Variants in SCUBE2 observed in about 807,000 individuals in gnomAD.
The protein encoded by SCUBE2 is signal peptide, CUB and EGF-like domain-containing protein 2.
A neutral mutation model predicts 125.9 loss-of-function variants in SCUBE2; 114 were observed. The ratio of observed to expected loss-of-function variants is 0.91; its 90% CI spans 0.78 to 1.06. The LOEUF (loss-of-function observed/expected upper bound fraction) is 1.06. Ranked by LOEUF, SCUBE2 falls within the 50% of genes least tolerant of loss-of-function variation. The pLI, the probability that SCUBE2 is intolerant of heterozygous loss-of-function variation, is 0.00. For synonymous variants in SCUBE2, 459 were observed against 492.9 expected, an observed-to-expected ratio of 0.93 and a Z score of 0.91; for missense variants, 1,255 against 1,301.8, an observed-to-expected ratio of 0.96 and a Z score of 0.55.
In SCUBE2 at chr11:9,047,291, G is replaced by A. The variant is rs558464461; in HGVS notation, c.2002+65C>T. On this transcript the variant is annotated intron_variant, in intron 16 of 22. Coordinates refer to ENST00000649792, the MANE Select transcript of SCUBE2 (RefSeq NM_001367977.2). ...GGGAGGATGGGCCAGACTTGCCTTC[G>A]GTTACCCTGAGTGTTTATGGAGCCC... The A allele has an allele frequency of 4.9e-5, 76 of 1,557,154 alleles. No homozygotes were observed. In the South Asian group the frequency reaches 5.9e-4, roughly 12 times the overall value.
At chr11:9,062,065 A>T (rs1011337809) in intron 7 of SCUBE2, among the ~76,000 whole-genome samples, 4 of 152,216 alleles carry the variant, frequency 2.6e-5, no homozygotes, top group Non-Finnish European at 4.4e-5. Context: ...TCTGGACCAG[A>T]GAGGTACCAG....
chr11:9,029,034 CCT>C (rs1264008031), intron 19 of SCUBE2, among the ~76,000 whole-genome samples: 1 of 151,468 alleles, frequency 6.6e-6, no homozygotes, highest in Non-Finnish European at 1.5e-5. Context: ...GTACTGCCCC[CCT>C]CAGTCCCAAG....
chr11:9,071,824 A>G (rs1860823963), intron 4 of SCUBE2, among the ~76,000 whole-genome samples: 1 of 152,158 alleles, frequency 6.6e-6, no homozygotes, highest in Non-Finnish European at 1.5e-5. Flanking sequence ...TTGCCCTGAA[A>G]AGGCATCAGT....
At chr11:9,053,323 C>T (rs1858627989) in intron 11 of SCUBE2, 108 bp from the exon 12 acceptor site, 1 of 912,940 alleles carries the variant, frequency 1.1e-6, no homozygotes, top group South Asian at 1.5e-5. Context: ...AGGTAGAGCT[C>T]ATGCCCAGCA....
chr11:9,087,432 T>C (rs765355669), intron 2 of SCUBE2, among the ~76,000 whole-genome samples: 7 of 152,176 alleles, frequency 4.6e-5, no homozygotes, highest in Non-Finnish European at 8.8e-5. Context: ...GAATATTTAA[T>C]ACCGAAAGTG....
chr11:9,047,700 G>A, intron 15 of SCUBE2, 138 bp from the exon 16 acceptor site: 1 of 952,120 alleles, frequency 1.1e-6, no homozygotes, highest in East Asian at 2.6e-5. Flanking sequence ...GGGGCACCTA[G>A]CAGGCTGGGC....
rs375576926 is a variant in SCUBE2 at position 9,030,145 on chromosome 11, T to A, written c.2342-100A>T. 1.6e-4 allele frequency: 222 copies of A among 1,379,696 alleles called. 3 individuals are homozygous for A. The South Asian group carries it at 2.6e-3, about 16-fold the overall frequency. The allele number at this position is 1,379,696 out of a possible 1,614,324, so 85.5% of individuals were successfully genotyped here. ...AAAGTTTGTGAAAGAAATGTTTATG[T>A]GCAAATGAAGTAGGGCTTTCCTACC... On this transcript the variant is annotated intron_variant, in intron 18 of 22. Transcript: ENST00000649792.
intron 16 of SCUBE2, among the ~76,000 whole-genome samples, chr11:9,035,480 G>T (rs577299559): frequency 1.3e-5 from 2 of 152,236 alleles, no homozygotes; most frequent in Admixed American, 6.5e-5. Flanking sequence ...TTCTCTATGG[G>T]GCTAGGAGAG....
At chr11:9,028,933 A>T (rs1350762948) in intron 19 of SCUBE2, among the ~76,000 whole-genome samples, 1 of 152,238 alleles carries the variant, frequency 6.6e-6, no homozygotes, top group Admixed American at 6.5e-5. Flanking sequence ...AAGAGACTAG[A>T]TGGAAGGCTA....
In SCUBE2 at chr11:9,021,185, T is replaced by C. The variant is rs926312179; in HGVS notation, c.2947A>G (p.Ile983Val). 10 of 1,577,064 alleles carry C rather than the reference T, an allele frequency of 6.3e-6. No individual in the cohort carries two copies. The highest frequency in any genetic ancestry group is 8.6e-6 in the Non-Finnish European group (10 of 1,164,222). The change falls in exon 23 of 23, where the codon ATC becomes GTC. Residue 983 changes from isoleucine to valine, a missense_variant. Coordinates refer to ENST00000649792, the MANE Select transcript of SCUBE2 (RefSeq NM_001367977.2). ...GCCAGGACATCAAACAGAGCCTTGA[T>C]AAGTTTCTTATCCTAAAAAGAACAG... ...HQEILKDKKL[I>V]KALFDVLAHP...
At position 9,091,245 on chromosome 11, in the gene SCUBE2, G is replaced by T. The variant is rs879761987; in HGVS notation, c.133+151C>A. The T allele has an allele frequency of 2.3e-5, 11 of 481,082 alleles. No individual in the cohort carries two copies. The highest frequency in any genetic ancestry group is 3.5e-5 in the Non-Finnish European group (11 of 317,544). 29.8% of individuals were successfully genotyped at this position (481,082 alleles called of 1,614,324 possible). ...TCGTGGCGCCTTGGCCCGGCCGGCG[G>T]GTGAGGTCCCGGGGGGAGCAGAGGC... On this transcript the variant is annotated intron_variant, in intron 1 of 22. Coordinates refer to ENST00000649792, the MANE Select transcript of SCUBE2 (RefSeq NM_001367977.2). This position sits in a 1 kb window ranked among gnomAD's most constrained non-coding sequence, Gnocchi z 8.5.
chr11:9,055,753 C>T (rs1590081884), intron 10 of SCUBE2, 40 bp downstream of exon 10: 2 of 1,542,216 alleles, frequency 1.3e-6, no homozygotes, highest in Middle Eastern at 1.9e-4. Context: ...CCAGGCCCAG[C>T]CTCATTCCCC....
intron 7 of SCUBE2, among the ~76,000 whole-genome samples, chr11:9,061,168 T>C (rs1255279344): frequency 1.3e-5 from 2 of 152,062 alleles, no homozygotes; most frequent in Non-Finnish European, 2.9e-5. Context: ...GTCCAAGTAA[T>C]AGACAAGTGC....
chr11:9,053,056 G>C (rs1566204153), intron 12 of SCUBE2, 43 bp downstream of exon 12: 1 of 1,529,494 alleles, frequency 6.5e-7, no homozygotes, highest in Admixed American at 1.7e-5. Context: ...GAGAGGCCTG[G>C]CCCCAGTGTG....
At chr11:9,049,410 AT>A (rs1858124565) in intron 14 of SCUBE2, among the ~76,000 whole-genome samples, 1 of 151,882 alleles carries the variant, frequency 6.6e-6, no homozygotes, top group African/African-American at 2.4e-5. Flanking sequence ...GGCCCGGCTA[AT>A]TTTTTTATAG....
rs553793431 is a variant in SCUBE2, at chr11:9,039,624, G to A, written c.2003-5828C>T. The stretch of plus-strand genomic sequence containing the variant: ...AAGATGATCCACCGGGTGGGAGCAC[G>A]TTTCTACACCCATGCCTACGAATTT... On this transcript the variant is annotated intron_variant, in intron 16 of 22. Coordinates refer to ENST00000649792, the MANE Select transcript of SCUBE2 (RefSeq NM_001367977.2). 1.3e-4 allele frequency among the ~76,000 whole-genome samples: 20 copies of A among 152,162 alleles called. No individual in the cohort carries two copies. In the South Asian group the frequency reaches 3.7e-3, roughly 28 times the overall value.
rs1001856568 is a variant in SCUBE2 at position 9,027,202 on chromosome 11, T to C, written c.2701+162A>G. ...AGCAAGACGCTTCAGTGTGTGGCTTTCATTTAAATTTTGTTTCTCACCAAC... is the reference window on the plus strand; with the variant it reads ...AGCAAGACGCTTCAGTGTGTGGCTTCCATTTAAATTTTGTTTCTCACCAAC... On this transcript the variant is annotated intron_variant, in intron 20 of 22. Coordinates refer to ENST00000649792, the MANE Select transcript of SCUBE2 (RefSeq NM_001367977.2). The C allele has an allele frequency of 1.0e-5, 7 of 668,540 alleles. No homozygotes were observed. In the African/African-American group the frequency reaches 1.3e-4, roughly 12 times the overall value. 41.4% of individuals were successfully genotyped at this position (668,540 alleles called of 1,614,324 possible).
intron 16 of SCUBE2, among the ~76,000 whole-genome samples, chr11:9,034,641 G>T (rs1191681349): frequency 6.6e-6 from 1 of 152,118 alleles, no homozygotes; most frequent in African/African-American, 2.4e-5. Context: ...GGGATGGGTG[G>T]TGATCTCAAG....
At chr11:9,074,816 G>A (rs879186469) in intron 3 of SCUBE2, among the ~76,000 whole-genome samples, 5 of 152,188 alleles carry the variant, frequency 3.3e-5, no homozygotes, top group African/African-American at 4.8e-5. Context: ...GGCCAGGACC[G>A]CCACATGGAC....
Sources: gnomAD v4.1 joint callset for allele counts (sites outside exome capture counted in the v4.1 genomes callset) on GRCh38, gnomAD v4.1.1 for gene constraint, Gnocchi (gnomAD v3.1) non-coding constraint, MANE v1.5 for transcripts, NCBI Gene and HGNC (gene_info 2026-07-23, HGNC 2026-07-21) for gene names.